The following KNCN variants were observed in gnomAD, a reference collection of about 807,000 sequenced individuals.
KNCN encodes the protein kinocilin.
Under a neutral mutation model 10.4 loss-of-function variants are expected in KNCN, and 11 were observed. The observed-to-expected ratio is 1.06, with a 90% CI of 0.67 to 1.75. KNCN has a LOEUF of 1.75. Ranked by LOEUF, KNCN falls within the 40% of genes most tolerant of loss-of-function variation. The pLI is 0.00. For synonymous variants in KNCN, 67 were observed against 71.6 expected (o/e 0.94, Z 0.33); for missense variants, 172 against 167.1 (o/e 1.03, Z -0.16).
In KNCN at chr1:46,551,446, C is replaced by A. The variant is rs975850961; in HGVS notation, c.-231G>T. The A allele has an allele frequency of 9.6e-5, 46 of 477,880 alleles. No individual in the cohort carries two copies. Among genetic ancestry groups the A allele is most frequent in the Non-Finnish European group, 1.5e-4 (41 of 274,768 alleles). The allele number at this position is 477,880 out of a possible 1,614,324, so 29.6% of individuals were successfully genotyped here. On this transcript the variant is annotated 5_prime_UTR_variant, in exon 1 of 4. Coordinates refer to ENST00000481882, the MANE Select transcript of KNCN (RefSeq NM_001322255.2). The surrounding 1 kb of genome is among the most constrained non-coding windows in gnomAD (Gnocchi z 4.0). ...GACCAGGGATCTGTACGAGGTCACC[C>A]AGCTTACTCTTCCTCTCTCAAAGCC...
rs759997654 is a variant in KNCN at position 46,547,762 on chromosome 1, T to C, written c.343A>G (p.Lys115Glu). ...STVSRTLEKLKPGTRGAEEC is the reference protein window; with the variant it reads ...STVSRTLEKLEPGTRGAEEC ...TCCTCAGCCCCCCGGGTCCCCGGCTTCAGCTTCTCCAGGGTCCTGCTCACG... is the reference window on the plus strand; with the variant it reads ...TCCTCAGCCCCCCGGGTCCCCGGCTCCAGCTTCTCCAGGGTCCTGCTCACG... Residue 115 changes from lysine (K) to glutamate (E), a missense_variant, in exon 4 of 4, where the codon AAG (lysine) becomes GAG (glutamate). Transcript: ENST00000481882. 3.6e-5 allele frequency: 54 copies of C among 1,479,562 alleles called. No individual in the cohort carries two copies. Among genetic ancestry groups the C allele is most frequent in the Non-Finnish European group, 4.8e-5 (54 of 1,115,970 alleles). 91.7% of individuals were successfully genotyped at this position (1,479,562 alleles called of 1,614,324 possible). A position where few individuals can be genotyped will look rare whatever the true frequency, so the allele number is the denominator to read the frequency against.
intron 3 of KNCN, 71 bp from the exon 4 acceptor site, chr1:46,547,880 A>G (rs1297541750): frequency 1.2e-5 from 14 of 1,179,928 alleles, no homozygotes; most frequent in Admixed American, 3.2e-5. Flanking sequence ...GGTCAGAGGA[A>G]CTCAGAGGGA....
chr1:46,547,833 G>A, intron 3 of KNCN, 24 bp from the exon 4 acceptor site: 1 of 1,435,482 alleles, frequency 7.0e-7, no homozygotes, highest in Non-Finnish European at 9.2e-7. Context: ...CAGGGACGAG[G>A]ACTGCCTCCG....
intron 2 of KNCN, chr1:46,549,579 T>G (rs538059005): frequency 1.5e-4 from 81 of 551,388 alleles, no homozygotes; most frequent in African/African-American, 1.4e-3. Flanking sequence ...GTGGGAGCTG[T>G]GCAGAGGCTG....
Position 46,547,143 on chromosome 1 carries a change from C to G in KNCN, c.*587G>C. On this transcript the variant is annotated 3_prime_UTR_variant, in exon 4 of 4. Coordinates refer to ENST00000481882, the MANE Select transcript of KNCN (RefSeq NM_001322255.2). ...TTGTTTGTACCTGTCCCTTTGTGAG[C>G]CCCCCAAATTCCCCCATCTGATTCA... 2.9e-6 allele frequency: 1 copy of G among 342,218 alleles called. No individual in the cohort carries two copies. Among genetic ancestry groups the G allele is most frequent in the South Asian group, 2.3e-5 (1 of 43,920 alleles). The allele number at this position is 342,218 out of a possible 1,614,324, so 21.2% of individuals were successfully genotyped here.
intron 1 of KNCN, among the ~76,000 whole-genome samples, chr1:46,550,221 T>A (rs944916070): frequency 4.6e-5 from 7 of 152,088 alleles, no homozygotes; most frequent in East Asian, 1.9e-4. Context: ...GGCTACAGAC[T>A]GTGAAGGCCC....
Position 46,546,809 on chromosome 1 carries a change from G to T in KNCN, c.*921C>A, listed in dbSNP as rs544027411. 1 of 156,878 alleles carries T rather than the reference G, an allele frequency of 6.4e-6. No individual in the cohort carries two copies. Among genetic ancestry groups the T allele is most frequent in the Non-Finnish European group, 1.4e-5 (1 of 70,640 alleles). The allele number at this position is 156,878 out of a possible 1,614,324, so 9.7% of individuals were successfully genotyped here. On this transcript the variant is annotated 3_prime_UTR_variant, in exon 4 of 4. Transcript: ENST00000481882. Reference sequence around the variant, plus strand: ...TTGTTTTGTGAAAAGGAAGACTTCAGCCCTGCCTGAAAGGTGGCAAGACAG... The same window carrying T: ...TTGTTTTGTGAAAAGGAAGACTTCATCCCTGCCTGAAAGGTGGCAAGACAG...
intron 2 of KNCN, 37 bp from the exon 3 acceptor site, chr1:46,549,304 G>A (rs995268073): frequency 1.3e-6 from 2 of 1,502,610 alleles, no homozygotes; most frequent in African/African-American, 1.4e-5. Flanking sequence ...CCTGATTACT[G>A]AGCCATTCCC....
intron 1 of KNCN, 28 bp from the exon 2 acceptor site, chr1:46,550,030 A>C: frequency 1.9e-6 from 3 of 1,550,378 alleles, no homozygotes; most frequent in Non-Finnish European, 2.6e-6. Context: ...GGGTTCTGTG[A>C]TGGGGAGGAG....
chr1:46,545,979 G>A lies in KNCN; in HGVS notation c.*1751C>T, dbSNP rs1225235630. Reference sequence around the variant, plus strand: ...GCAGGGAATAGGCAGCAGCTGGGTGGAGAGGAGGGCAGTTCAAAGAGAGGA... The same window carrying A: ...GCAGGGAATAGGCAGCAGCTGGGTGAAGAGGAGGGCAGTTCAAAGAGAGGA... On this transcript the variant is annotated 3_prime_UTR_variant, in exon 4 of 4. Coordinates refer to ENST00000481882, the MANE Select transcript of KNCN (RefSeq NM_001322255.2). 2 of 152,428 alleles carry A rather than the reference G, an allele frequency of 1.3e-5. No individual in the cohort carries two copies. The highest frequency in any genetic ancestry group is 4.8e-5 in the African/African-American group (2 of 41,454). The allele number at this position is 152,428 out of a possible 1,614,324, so 9.4% of individuals were successfully genotyped here. A position where few individuals can be genotyped will look rare whatever the true frequency, so the allele number is the denominator to read the frequency against.
intron 1 of KNCN, 91 bp from the exon 2 acceptor site, chr1:46,550,093 G>A: frequency 1.9e-6 from 3 of 1,547,120 alleles, no homozygotes; most frequent in Non-Finnish European, 2.6e-6. Flanking sequence ...GGTGGTTTGT[G>A]AGATATGGGT....
At chr1:46,550,135 G>A in intron 1 of KNCN, 133 bp from the exon 2 acceptor site, 1 of 1,496,994 alleles carries the variant, frequency 6.7e-7, no homozygotes, top group Middle Eastern at 2.3e-4. Context: ...TGCAGACTTG[G>A]GACTGTGAGT....
At chr1:46,549,569 G>T in intron 2 of KNCN, 1 of 538,142 alleles carries the variant, frequency 1.9e-6, no homozygotes. Context: ...CTGAGATGAG[G>T]TGGGAGCTGT....
At chr1:46,549,577 T>A (rs1448729598) in intron 2 of KNCN, 1 of 539,056 alleles carries the variant, frequency 1.9e-6, no homozygotes, top group Non-Finnish European at 3.3e-6. Context: ...AGGTGGGAGC[T>A]GTGCAGAGGC....
rs140455646 is a variant in KNCN at position 46,547,732 on chromosome 1, A to G, written c.373T>C (p.Ter125ArgextTer4). 1,013 of 1,500,348 alleles carry G rather than the reference A, an allele frequency of 6.8e-4. 10 individuals carry two copies. The African/African-American group carries it at 0.013, about 19-fold the overall frequency. The allele number at this position is 1,500,348 out of a possible 1,614,324, so 92.9% of individuals were successfully genotyped here. ...TGGGCAGCCGCTCAGACTTTGCCTC[A>G]GCATTCCTCAGCCCCCCGGGTCCCC... is the stretch of plus-strand genomic sequence containing the variant. ...KPGTRGAEEC[*>R] The change falls in exon 4 of 4, where the codon TGA (stop) becomes CGA (arginine). Residue 125 changes from the stop codon to arginine (R), a stop_lost. Transcript: ENST00000481882.
chr1:46,550,460 G>T lies in KNCN; in HGVS notation c.152-458C>A, dbSNP rs185931766. ...CATCCCCCGATGAGCATCTGTGCCA[G>T]AACCCGCAGGTGTAGATACCTAAAG... On this transcript the variant is annotated intron_variant, in intron 1 of 3. Transcript: ENST00000481882. Among the ~76,000 whole-genome samples, 341 of 151,752 alleles carry T rather than the reference G, an allele frequency of 2.2e-3. 1 individual carries two copies. Among genetic ancestry groups the T allele is most frequent in the Middle Eastern group, 6.8e-3 (2 of 292 alleles).
At chr1:46,549,825 T>C in intron 2 of KNCN, 109 bp downstream of exon 2, 1 of 1,536,014 alleles carries the variant, frequency 6.5e-7, no homozygotes. Context: ...GCTAGCGCGG[T>C]CTCACACATG....
chr1:46,551,184 C>A lies in KNCN; in HGVS notation c.32G>T (p.Arg11Leu). 1.2e-6 allele frequency: 2 copies of A among 1,610,148 alleles called. No individual in the cohort carries two copies. The highest frequency in any genetic ancestry group is 1.7e-6 in the Non-Finnish European group (2 of 1,178,302). Reference protein sequence around the residue: MDIPISSRDFRGLQLACVALG... With the variant: MDIPISSRDFLGLQLACVALG... ...AGCCACGCAGGCCAGCTGCAGGCCG[C>A]GGAAGTCTCTGCTGCTGATGGGGAT... The change falls in exon 1 of 4, where the codon CGC (arginine) becomes CTC (leucine). Residue 11 changes from arginine to leucine, a missense_variant. Transcript: ENST00000481882. This position sits in a 1 kb window ranked among gnomAD's most constrained non-coding sequence, Gnocchi z 4.0.
rs923116727 is a variant in KNCN at position 46,551,465 on chromosome 1, C to T, written c.-250G>A. The T allele has an allele frequency of 2.3e-6, 1 of 437,436 alleles. No homozygotes were observed. Among genetic ancestry groups the T allele is most frequent in the African/African-American group, 2.1e-5 (1 of 47,758 alleles). 27.1% of individuals were successfully genotyped at this position (437,436 alleles called of 1,614,324 possible). A position where few individuals can be genotyped will look rare whatever the true frequency, so the allele number is the denominator to read the frequency against. On this transcript the variant is annotated 5_prime_UTR_variant, in exon 1 of 4. Transcript: ENST00000481882. The surrounding 1 kb of genome is among the most constrained non-coding windows in gnomAD (Gnocchi z 4.0). ...GTCACCCAGCTTACTCTTCCTCTCTCAAAGCCCTCTGAAGCTGAAGCCCAC... is the reference window on the plus strand; with the variant it reads ...GTCACCCAGCTTACTCTTCCTCTCTTAAAGCCCTCTGAAGCTGAAGCCCAC...
Sources: allele counts gnomAD v4.1 joint callset (sites outside exome capture counted in the v4.1 genomes callset), GRCh38; gene constraint gnomAD v4.1.1; non-coding constraint Gnocchi (gnomAD v3.1); transcripts MANE v1.5; gene names NCBI Gene and HGNC (gene_info 2026-07-23, HGNC 2026-07-21).